RABGAP1L: variants seen among roughly 807,000 people sequenced by gnomAD.
The protein encoded by RABGAP1L is RAB GTPase activating protein 1 like, also known as rab GTPase-activating protein 1-like.
Under a neutral mutation model 137.7 loss-of-function variants are expected in RABGAP1L, and 63 were observed. The observed-to-expected ratio is 0.46, with a 90% confidence interval of 0.37 to 0.56. The LOEUF is 0.56. RABGAP1L is among the 20% of genes least tolerant of loss of function. The pLI, the probability that RABGAP1L is intolerant of heterozygous loss-of-function variation, is 0.00. For missense variants in RABGAP1L, 1,095 were observed against 1,244.0 expected (o/e 0.88, Z 1.80); for synonymous variants, 431 against 433.7 (o/e 0.99, Z 0.08).
intron 18 of RABGAP1L, among the ~76,000 whole-genome samples, chr1:174,770,888 G>A (rs765356230): frequency 1.2e-4 from 18 of 152,192 alleles, no homozygotes; most frequent in Non-Finnish European, 2.2e-4. Context: ...AGATGTCAGG[G>A]GATACAGAGA....
intron 19 of RABGAP1L, among the ~76,000 whole-genome samples, chr1:174,848,487 G>A (rs1305900344): frequency 1.3e-4 from 19 of 149,102 alleles, no homozygotes; most frequent in Non-Finnish European, 2.4e-4. Flanking sequence ...ATACCCTGCA[G>A]TGTGAGGTGT....
At chr1:174,209,284 G>A (rs1668706000) in intron 1 of RABGAP1L, among the ~76,000 whole-genome samples, 1 of 152,164 alleles carries the variant, frequency 6.6e-6, no homozygotes, top group East Asian at 1.9e-4. Context: ...AGAGCACAAA[G>A]TGGAGTCTTT....
chr1:174,568,445 C>A (rs1227125551), intron 13 of RABGAP1L, among the ~76,000 whole-genome samples: 1 of 152,090 alleles, frequency 6.6e-6, no homozygotes, highest in East Asian at 1.9e-4. Flanking sequence ...GGCATGTTAC[C>A]TGGCAATGAC....
chr1:174,830,511 C>G (rs747461442), intron 19 of RABGAP1L, among the ~76,000 whole-genome samples: 1 of 146,764 alleles, frequency 6.8e-6, no homozygotes, highest in East Asian at 2.1e-4. Context: ...GAGTCTCACT[C>G]TATCTCCCAG....
intron 14 of RABGAP1L, among the ~76,000 whole-genome samples, chr1:174,645,615 A>G (rs956614288): frequency 2.6e-5 from 4 of 152,086 alleles, no homozygotes; most frequent in South Asian, 2.1e-4. Context: ...TATCCAGTCT[A>G]TCATTGATGG....
chr1:174,462,558 G>C (rs1558255170), intron 13 of RABGAP1L, among the ~76,000 whole-genome samples: 1 of 151,926 alleles, frequency 6.6e-6, no homozygotes, highest in Non-Finnish European at 1.5e-5. Context: ...TGTAGGTTCA[G>C]GGGCTATATG....
At position 174,989,947 on chromosome 1, in the gene RABGAP1L, C is replaced by G; in HGVS notation, c.3102C>G (p.Gly1034=). Residue 1034 remains glycine, a synonymous_variant, in exon 26 of 26, where the codon GGC becomes GGG. Coordinates refer to ENST00000681986, the MANE Select transcript of RABGAP1L (RefSeq NM_001366446.1). Reference sequence around the variant, plus strand: ...TGAACTCTATCAAAACGGCCACGGGCACCCAGCCATTGCAGCCAGCACCGG... The same window carrying G: ...TGAACTCTATCAAAACGGCCACGGGGACCCAGCCATTGCAGCCAGCACCGG... ...KTLNSIKTAT[G]TQPLQPAPVT... 6.5e-7 allele frequency: 1 copy of G among 1,549,650 alleles called. No homozygotes were observed.
At position 174,278,472 on chromosome 1, in the gene RABGAP1L, T is replaced by C. The variant is rs1173722737; in HGVS notation, c.1157-141T>C. The C allele has an allele frequency of 9.7e-6, 6 of 621,546 alleles. No homozygotes were observed. In the East Asian group the frequency reaches 1.8e-4, roughly 19 times the overall value. The allele number at this position is 621,546 out of a possible 1,614,324, so 38.5% of individuals were successfully genotyped here. A position where few individuals can be genotyped will look rare whatever the true frequency, so the allele number is the denominator to read the frequency against. ...TACTTGCATACTTATTTAATCAAAA[T>C]GTGAATAGAACAGTTAAAAATAAAC... On this transcript the variant is annotated intron_variant, in intron 9 of 25. Transcript: ENST00000681986.
intron 1 of RABGAP1L, among the ~76,000 whole-genome samples, chr1:174,186,144 CAA>C (rs201540764): frequency 1.7e-4 from 16 of 91,736 alleles, no homozygotes; most frequent in Non-Finnish European, 1.4e-4. Context: ...AATTCCATCT[CAA>C]AAAAAAAAAA....
intron 13 of RABGAP1L, among the ~76,000 whole-genome samples, chr1:174,526,350 A>G (rs1427787711): frequency 6.6e-6 from 1 of 152,078 alleles, no homozygotes. Flanking sequence ...GTAATGCTGG[A>G]TTCATGATAT....
At chr1:174,324,632 A>C (rs1447919235) in intron 11 of RABGAP1L, among the ~76,000 whole-genome samples, 1 of 152,212 alleles carries the variant, frequency 6.6e-6, no homozygotes, top group Non-Finnish European at 1.5e-5. Flanking sequence ...TCTTTGAGGA[A>C]AATGTGGGAG....
At chr1:174,560,144 A>T (rs1179765244) in intron 13 of RABGAP1L, among the ~76,000 whole-genome samples, 1 of 152,112 alleles carries the variant, frequency 6.6e-6, no homozygotes, top group Non-Finnish European at 1.5e-5. Context: ...AGAAAAAAAA[A>T]AAAAAAGTTT....
intron 20 of RABGAP1L, 59 bp from the exon 21 acceptor site, chr1:174,969,218 C>G: frequency 3.1e-6 from 4 of 1,288,344 alleles, no homozygotes; most frequent in Non-Finnish European, 4.4e-6. Context: ...CTCACCAGTT[C>G]TGTTCGTTTC....
intron 10 of RABGAP1L, among the ~76,000 whole-genome samples, chr1:174,304,337 A>G (rs1222342952): frequency 6.6e-6 from 1 of 151,770 alleles, no homozygotes; most frequent in Non-Finnish European, 1.5e-5. Context: ...GTTTATATAT[A>G]TTTGATTTGA....
At chr1:174,835,825 T>C (rs565501650) in intron 19 of RABGAP1L, among the ~76,000 whole-genome samples, 2 of 152,312 alleles carry the variant, frequency 1.3e-5, no homozygotes, top group Non-Finnish European at 2.9e-5. Context: ...AAGTGATGTA[T>C]ATTTCTTCCT....
intron 19 of RABGAP1L, among the ~76,000 whole-genome samples, chr1:174,866,921 T>A (rs2104707): frequency 0.38 from 56,577 of 149,224 alleles, 12,837 homozygotes; most frequent in African/African-American, 0.65. Flanking sequence ...AAAAAAAAAA[T>A]TTTTTTTTTT....
intron 14 of RABGAP1L, among the ~76,000 whole-genome samples, chr1:174,638,676 C>T (rs1387859235): frequency 1.4e-5 from 2 of 142,804 alleles, no homozygotes; most frequent in African/African-American, 5.3e-5. Flanking sequence ...GAAAATGTGG[C>T]ACATATACAC....
At position 174,828,553 on chromosome 1, in the gene RABGAP1L, T is replaced by C. The variant is rs1691814262; in HGVS notation, c.2340+16593T>C. Among the ~76,000 whole-genome samples the C allele has an allele frequency of 1.3e-5, 2 of 148,524 alleles. 1 individual carries two copies. Among genetic ancestry groups the C allele is most frequent in the East Asian group, 4.2e-4 (2 of 4,808 alleles). On this transcript the variant is annotated intron_variant, in intron 19 of 25. Transcript: ENST00000681986. ...TTTGAATTCTGGCTCCAGTTCTTAC[T>C]GAGTGATCCTGAGAAAGTTACTTGA...
intron 13 of RABGAP1L, among the ~76,000 whole-genome samples, chr1:174,483,547 A>C (rs559649957): frequency 6.6e-6 from 1 of 152,294 alleles, no homozygotes; most frequent in South Asian, 2.1e-4. Context: ...GTCGATGGAC[A>C]CTTAAGTTGC....
Sources: allele counts gnomAD v4.1 joint callset (sites outside exome capture counted in the v4.1 genomes callset), GRCh38; gene constraint gnomAD v4.1.1; transcripts MANE v1.5; gene names NCBI Gene and HGNC (gene_info 2026-07-23, HGNC 2026-07-21).